AP1M1: variants seen among roughly 807,000 people sequenced by gnomAD.
AP1M1 encodes AP-1 complex subunit mu-1.
AP1M1 carries 18 observed loss-of-function variants against 57.1 expected under a neutral mutation model. The observed-to-expected ratio is 0.32, with a 90% CI of 0.22 to 0.47. The LOEUF is 0.47. Among genes scored for constraint, AP1M1 ranks in the 20% least tolerant of loss-of-function variants. The probability of loss-of-function intolerance (pLI) is 1.00; values close to 1 mark genes in which losing one functional copy is unlikely to be tolerated. For missense variants in AP1M1, 362 were observed against 593.5 expected (o/e 0.61, Z 4.05); for synonymous variants, 241 against 237.9 (o/e 1.01, Z -0.12).
rs770780331 is a variant in AP1M1, at chr19:16,233,636, G to A, written c.1173+18G>A. 1.6e-5 allele frequency: 25 copies of A among 1,605,082 alleles called. No homozygotes were observed. The highest frequency in any genetic ancestry group is 6.7e-5 in the African/African-American group (5 of 74,808). On this transcript the variant is annotated intron_variant, in intron 10 of 11. Coordinates refer to ENST00000291439, the MANE Select transcript of AP1M1 (RefSeq NM_032493.4). ...GCATCCAGGTACGTAAGGCCCAGGC[G>A]GCCGGGGCCCAGAACAGGGACAGAG...
At position 16,209,098 on chromosome 19, in the gene AP1M1, C is replaced by T. The variant is rs369323152; in HGVS notation, c.467C>T (p.Ala156Val). 36 of 1,614,090 alleles carry T rather than the reference C, an allele frequency of 2.2e-5. No individual in the cohort carries two copies. The highest frequency in any genetic ancestry group is 5.3e-5 in the African/African-American group (4 of 74,930). ...CGGCCACCAGCCACCGTCACCAACG[C>T]GGTGTCCTGGCGGTCCGAAGGCATC... ...APRPPATVTN[A>V]VSWRSEGIKY... is the part of the protein sequence containing the mutation. The change falls in exon 5 of 12, where the codon GCG (alanine) becomes GTG (valine). Residue 156 changes from alanine to valine, a missense_variant. Transcript: ENST00000291439.
rs1172449423 is a variant in AP1M1, at chr19:16,215,204, GGGGGGGGAGAGGGGGGA to G, written c.546+6034_546+6050del. On this transcript the variant is annotated intron_variant, in intron 5 of 11. Coordinates refer to ENST00000291439, the MANE Select transcript of AP1M1 (RefSeq NM_032493.4). ...TTTGGGAGGCTAAGGCGGGGGCGGG[GGGGGGGGAGAGGGGGGA>G]GGGGGGAGGGGAGGGGATCACCTGA... Among the ~76,000 whole-genome samples, 90 of 50,932 alleles carry G rather than the reference GGGGGGGGAGAGGGGGGA, an allele frequency of 1.8e-3. 24 individuals carry two copies. Among genetic ancestry groups the G allele is most frequent in the Non-Finnish European group, 3.8e-3 (66 of 17,452 alleles). The allele number at this position is 50,932 out of a possible 152,430, so 33.4% of individuals were successfully genotyped here.
chr19:16,238,918 T>G lies in AP1M1; in HGVS notation c.*4483T>G, dbSNP rs2091634977. ...AGTTCTTAATATACTTTTTGTAGTTTTTTTGTTTTTTGTTTTTGTTTTTGT... is the reference window on the plus strand; with the variant it reads ...AGTTCTTAATATACTTTTTGTAGTTGTTTTGTTTTTTGTTTTTGTTTTTGT... On this transcript the variant is annotated 3_prime_UTR_variant, in exon 12 of 12. Coordinates refer to ENST00000291439, the MANE Select transcript of AP1M1 (RefSeq NM_032493.4). The G allele has an allele frequency of 6.6e-6, 1 of 151,250 alleles. No homozygotes were observed. The highest frequency in any genetic ancestry group is 2.4e-5 in the African/African-American group (1 of 41,056). The allele number at this position is 151,250 out of a possible 1,614,324, so 9.4% of individuals were successfully genotyped here.
At chr19:16,201,640 C>T (rs567198269) in intron 1 of AP1M1, among the ~76,000 whole-genome samples, 11 of 152,232 alleles carry the variant, frequency 7.2e-5, no homozygotes, top group African/African-American at 2.4e-4. Flanking sequence ...TCAGATGATC[C>T]GCCTGCCTCA....
At chr19:16,215,414 A>G (rs1164783590) in intron 5 of AP1M1, among the ~76,000 whole-genome samples, 1 of 132,786 alleles carries the variant, frequency 7.5e-6, no homozygotes. Context: ...TGACCTGCTG[A>G]GATCCCACCA....
intron 5 of AP1M1, among the ~76,000 whole-genome samples, chr19:16,209,875 C>T (rs988118704): frequency 3.3e-5 from 5 of 152,126 alleles, no homozygotes; most frequent in South Asian, 2.1e-4. Context: ...GGAAAGTTGA[C>T]GTTTTGAAAA....
In AP1M1 at chr19:16,234,291, C is replaced by T; in HGVS notation, c.1249+17C>T. 1 of 1,613,362 alleles carries T rather than the reference C, an allele frequency of 6.2e-7. No individual in the cohort carries two copies. Among genetic ancestry groups the T allele is most frequent in the Non-Finnish European group, 8.5e-7 (1 of 1,179,550 alleles). On this transcript the variant is annotated intron_variant, in intron 11 of 11. Coordinates refer to ENST00000291439, the MANE Select transcript of AP1M1 (RefSeq NM_032493.4). ...AGAATGGAGGTGAGTGAGGCCCTACCCGTGGGGTGGGGTTGTACTGAGGGG... is the reference window on the plus strand; with the variant it reads ...AGAATGGAGGTGAGTGAGGCCCTACTCGTGGGGTGGGGTTGTACTGAGGGG...
In AP1M1 at chr19:16,206,446, G is replaced by A. The variant is rs1181498724; in HGVS notation, c.267+38G>A. 2.5e-6 allele frequency: 4 copies of A among 1,610,088 alleles called. No homozygotes were observed. Among genetic ancestry groups the A allele is most frequent in the Non-Finnish European group, 3.4e-6 (4 of 1,176,770 alleles). ...CGGAGGGGCCGTGGGCTTGGGTGGA[G>A]GTTGTCTTGGCTCTGCTTGTGGACC... is the stretch of plus-strand genomic sequence containing the variant. On this transcript the variant is annotated intron_variant, in intron 3 of 11. Coordinates refer to ENST00000291439, the MANE Select transcript of AP1M1 (RefSeq NM_032493.4). The surrounding 1 kb of genome is among the most constrained non-coding windows in gnomAD (Gnocchi z 4.3).
chr19:16,209,174 C>G lies in AP1M1; in HGVS notation c.543C>G (p.Leu181=), dbSNP rs760411906. 1 of 1,613,980 alleles carries G rather than the reference C, an allele frequency of 6.2e-7. No individual in the cohort carries two copies. Among genetic ancestry groups the G allele is most frequent in the Non-Finnish European group, 8.5e-7 (1 of 1,179,954 alleles). Residue 181 remains leucine, a synonymous_variant, in exon 5 of 12, where the codon CTC becomes CTG. Transcript: ENST00000291439. ...VFLDVIESVN[L]LVSANGNVLR... is the part of the protein sequence containing the mutation. ...TGGACGTCATCGAGTCTGTCAACCTCTTGGTAGGCCTCTTTTCTTTCCTTC... is the reference window on the plus strand; with the variant it reads ...TGGACGTCATCGAGTCTGTCAACCTGTTGGTAGGCCTCTTTTCTTTCCTTC...
In AP1M1 at chr19:16,203,261, A is replaced by G. The variant is rs373495251; in HGVS notation, c.43-198A>G. Among the ~76,000 whole-genome samples, 33 of 152,162 alleles carry G rather than the reference A, an allele frequency of 2.2e-4. No individual in the cohort carries two copies. The highest frequency in any genetic ancestry group is 7.5e-4 in the African/African-American group (31 of 41,438). ...ACTGCAGTGGCCCCTGTGGGCATTC[A>G]CACTGGGAGATGCTCTTCTCCAGGA... is the stretch of plus-strand genomic sequence containing the variant. On this transcript the variant is annotated intron_variant, in intron 1 of 11. Transcript: ENST00000291439. This position sits in a 1 kb window ranked among gnomAD's most constrained non-coding sequence, Gnocchi z 4.6.
chr19:16,220,156 A>C (rs1004342323), intron 5 of AP1M1, among the ~76,000 whole-genome samples: 10 of 152,346 alleles, frequency 6.6e-5, no homozygotes, highest in African/African-American at 2.4e-4. Flanking sequence ...CACTGAAACT[A>C]TCCGAGCCTG....
chr19:16,203,121 G>C lies in AP1M1; in HGVS notation c.43-338G>C. On this transcript the variant is annotated intron_variant, in intron 1 of 11. Transcript: ENST00000291439. The surrounding 1 kb of genome is among the most constrained non-coding windows in gnomAD (Gnocchi z 4.6). ...AGCAAGGTGCGTTGGCCCGGCAAAG[G>C]CTCTGAGAAGGTCTGCATTGAGAGC... The C allele has an allele frequency of 3.5e-6, 1 of 286,814 alleles. No homozygotes were observed. Among genetic ancestry groups the C allele is most frequent in the Non-Finnish European group, 6.7e-6 (1 of 149,166 alleles). The allele number at this position is 286,814 out of a possible 1,614,324, so 17.8% of individuals were successfully genotyped here.
intron 1 of AP1M1, among the ~76,000 whole-genome samples, chr19:16,201,233 T>C (rs2091445514): frequency 6.6e-6 from 1 of 151,906 alleles, no homozygotes; most frequent in Non-Finnish European, 1.5e-5. Context: ...AAAACAGCTG[T>C]GAATGAGACA....
rs540645912 is a variant in AP1M1 at position 16,242,377 on chromosome 19, A to G, written c.*7942A>G. 1.2e-4 allele frequency: 19 copies of G among 152,320 alleles called. No homozygotes were observed. Among genetic ancestry groups the G allele is most frequent in the African/African-American group, 4.6e-4 (19 of 41,576 alleles). The allele number at this position is 152,320 out of a possible 1,614,324, so 9.4% of individuals were successfully genotyped here. On this transcript the variant is annotated 3_prime_UTR_variant, in exon 12 of 12. Coordinates refer to ENST00000291439, the MANE Select transcript of AP1M1 (RefSeq NM_032493.4). ...GGGATGTTCTAAACTTTTTAAAATAATAAATAATAGTACTTAAAACTGCAC... is the reference window on the plus strand; with the variant it reads ...GGGATGTTCTAAACTTTTTAAAATAGTAAATAATAGTACTTAAAACTGCAC...
Position 16,197,981 on chromosome 19 carries a change from C to CCGCCGCCACCGCCCTCGGCCGCTGA in AP1M1, c.-22_-21insACGCCGCCACCGCCCTCGGCCGCTG. 4 of 1,528,844 alleles carry CCGCCGCCACCGCCCTCGGCCGCTGA rather than the reference C, an allele frequency of 2.6e-6. No homozygotes were observed. The highest frequency in any genetic ancestry group is 2.6e-5 in the East Asian group (1 of 37,828). The allele number at this position is 1,528,844 out of a possible 1,614,324, so 94.7% of individuals were successfully genotyped here. Reference sequence around the variant, plus strand: ...CGCCCAGCAGTCCCCACCGTCGCTGCCGCCGCCACCGCCCTCGGCCGCTGC... The same window carrying CCGCCGCCACCGCCCTCGGCCGCTGA: ...CGCCCAGCAGTCCCCACCGTCGCTGCCGCCGCCACCGCCCTCGGCCGCTGACGCCGCCACCGCCCTCGGCCGCTGC... On this transcript the variant is annotated 5_prime_UTR_variant, in exon 1 of 12. Transcript: ENST00000291439.
intron 5 of AP1M1, among the ~76,000 whole-genome samples, chr19:16,212,948 T>C (rs555629851): frequency 1.1e-4 from 17 of 152,348 alleles, no homozygotes; most frequent in African/African-American, 4.1e-4. Context: ...TATTGATTTG[T>C]GGTCTGAGAG....
At chr19:16,199,237 C>T (rs890977694) in intron 1 of AP1M1, among the ~76,000 whole-genome samples, 1 of 152,122 alleles carries the variant, frequency 6.6e-6, no homozygotes. Context: ...TCAGCCTCAG[C>T]CCGAGGATGA....
chr19:16,224,196 TC>T (rs1299635927), intron 5 of AP1M1, among the ~76,000 whole-genome samples: 2 of 152,186 alleles, frequency 1.3e-5, no homozygotes, highest in Non-Finnish European at 2.9e-5. Flanking sequence ...CTAACCACAT[TC>T]CCCTCTCCCC....
rs2091430658 is a variant in AP1M1 at position 16,197,970 on chromosome 19, C to T, written c.-57C>T. The T allele has an allele frequency of 6.7e-7, 1 of 1,495,880 alleles. No individual in the cohort carries two copies. The highest frequency in any genetic ancestry group is 9.0e-7 in the Non-Finnish European group (1 of 1,112,548). 92.7% of individuals were successfully genotyped at this position (1,495,880 alleles called of 1,614,324 possible). ...GCCTTGCTCAACGCCCAGCAGTCCCCACCGTCGCTGCCGCCGCCACCGCCC... is the reference window on the plus strand; with the variant it reads ...GCCTTGCTCAACGCCCAGCAGTCCCTACCGTCGCTGCCGCCGCCACCGCCC... On this transcript the variant is annotated 5_prime_UTR_variant, in exon 1 of 12. Transcript: ENST00000291439.
Sources: gnomAD v4.1 joint callset for allele counts (sites outside exome capture counted in the v4.1 genomes callset) on GRCh38, gnomAD v4.1.1 for gene constraint, Gnocchi (gnomAD v3.1) non-coding constraint, MANE v1.5 for transcripts, NCBI Gene and HGNC (gene_info 2026-07-23, HGNC 2026-07-21) for gene names.